The following GALNT18 variants were observed in gnomAD, a reference collection of about 807,000 sequenced individuals.
GALNT18 encodes the protein polypeptide N-acetylgalactosaminyltransferase 18, also known as GalNAc-transferase 18.
Under a neutral mutation model 69.5 loss-of-function variants are expected in GALNT18, and 44 were observed. The ratio of observed to expected loss-of-function variants is 0.63; its 90% confidence interval spans 0.50 to 0.81. GALNT18 has a LOEUF of 0.81. GALNT18 is among the 40% of genes least tolerant of loss of function. GALNT18 has a pLI of 0.00. For missense variants in GALNT18, 715 were observed against 810.0 expected (o/e 0.88, Z 1.42); for synonymous variants, 364 against 318.2 (o/e 1.14, Z -1.53).
Position 11,538,764 on chromosome 11 carries a change from T to C in GALNT18, c.235+82595A>G, listed in dbSNP as rs1799954274. On this transcript the variant is annotated intron_variant, in intron 1 of 10. Coordinates refer to ENST00000227756, the MANE Select transcript of GALNT18 (RefSeq NM_198516.3). The surrounding 1 kb of genome is among the most constrained non-coding windows in gnomAD (Gnocchi z 5.2). ...AGTGAGGCGCCATCTGGGAAGCACC[T>C]GGCCCCAGGGCCTGCACATCGCAGG... 6.6e-6 allele frequency among the ~76,000 whole-genome samples: 1 copy of C among 152,168 alleles called. No individual in the cohort carries two copies. Among genetic ancestry groups the C allele is most frequent in the South Asian group, 2.1e-4 (1 of 4,820 alleles).
Position 11,586,115 on chromosome 11 carries a change from G to A in GALNT18, c.235+35244C>T, listed in dbSNP as rs571355598. Among the ~76,000 whole-genome samples, 52 of 152,154 alleles carry A rather than the reference G, an allele frequency of 3.4e-4. No individual in the cohort carries two copies. Among genetic ancestry groups the A allele is most frequent in the Non-Finnish European group, 6.3e-4 (43 of 68,012 alleles). On this transcript the variant is annotated intron_variant, in intron 1 of 10. Coordinates refer to ENST00000227756, the MANE Select transcript of GALNT18 (RefSeq NM_198516.3). This position sits in a 1 kb window ranked among gnomAD's most constrained non-coding sequence, Gnocchi z 4.1. ...CTGGCCCCTTGATCTTGGACTTTCCGGCCTCCAGAACTGTGAAAAATAAAT... is the reference window on the plus strand; with the variant it reads ...CTGGCCCCTTGATCTTGGACTTTCCAGCCTCCAGAACTGTGAAAAATAAAT...
intron 7 of GALNT18, among the ~76,000 whole-genome samples, chr11:11,336,124 C>T (rs10765836): frequency 0.53 from 80,194 of 152,076 alleles, 21,390 homozygotes; most frequent in Middle Eastern, 0.61. Flanking sequence ...CCCTGGCACT[C>T]AGCCTGTCTT....
At chr11:11,272,024 C>G (rs190742640) in intron 10 of GALNT18, among the ~76,000 whole-genome samples, 1 of 136,438 alleles carries the variant, frequency 7.3e-6, no homozygotes, top group Non-Finnish European at 1.7e-5. Context: ...GTCTGAGCAT[C>G]TCTGAGTTAC....
At chr11:11,594,824 T>C (rs1213676444) in intron 1 of GALNT18, among the ~76,000 whole-genome samples, 8 of 25,440 alleles carry the variant, frequency 3.1e-4, no homozygotes, top group African/African-American at 5.7e-4. Flanking sequence ...GGCATATATA[T>C]ATATATATAT....
rs934080637 is a variant in GALNT18, at chr11:11,338,420, A to T, written c.1278+2399T>A. ...TGGCAGAGAAAAAAACAGGGCCTGA[A>T]TGCAGACATGAGGGGAGGTCGGGGT... is the stretch of plus-strand genomic sequence containing the variant. On this transcript the variant is annotated intron_variant, in intron 7 of 10. Transcript: ENST00000227756. This position sits in a 1 kb window ranked among gnomAD's most constrained non-coding sequence, Gnocchi z 5.3. 6.6e-6 allele frequency among the ~76,000 whole-genome samples: 1 copy of T among 150,606 alleles called. No homozygotes were observed. The highest frequency in any genetic ancestry group is 1.5e-5 in the Non-Finnish European group (1 of 68,018).
At chr11:11,484,595 A>C (rs1856603440) in intron 1 of GALNT18, among the ~76,000 whole-genome samples, 1 of 83,294 alleles carries the variant, frequency 1.2e-5, no homozygotes, top group Admixed American at 1.1e-4. Flanking sequence ...CTCCATCTCA[A>C]AAAAAAAAAA....
intron 2 of GALNT18, among the ~76,000 whole-genome samples, chr11:11,447,787 T>C (rs1855692538): frequency 6.6e-6 from 1 of 152,166 alleles, no homozygotes; most frequent in Non-Finnish European, 1.5e-5. Context: ...AGTTACCTCC[T>C]ACCTGGTCCC....
At chr11:11,554,750 C>T (rs1226507445) in intron 1 of GALNT18, among the ~76,000 whole-genome samples, 1 of 151,880 alleles carries the variant, frequency 6.6e-6, no homozygotes, top group African/African-American at 2.4e-5. Flanking sequence ...GTGGCTGATT[C>T]CCTCACATGG....
At chr11:11,585,795 C>T (rs1312725539) in intron 1 of GALNT18, among the ~76,000 whole-genome samples, 1 of 134,474 alleles carries the variant, frequency 7.4e-6, no homozygotes, top group Non-Finnish European at 1.5e-5. Context: ...CCACTCTTCT[C>T]AATAAGTTTT....
rs537065842 is a variant in GALNT18 at position 11,338,746 on chromosome 11, A to G, written c.1278+2073T>C. Among the ~76,000 whole-genome samples the G allele has an allele frequency of 1.3e-5, 2 of 152,176 alleles. No individual in the cohort carries two copies. The highest frequency in any genetic ancestry group is 2.9e-5 in the Non-Finnish European group (2 of 68,034). On this transcript the variant is annotated intron_variant, in intron 7 of 10. Coordinates refer to ENST00000227756, the MANE Select transcript of GALNT18 (RefSeq NM_198516.3). The surrounding 1 kb of genome is among the most constrained non-coding windows in gnomAD (Gnocchi z 5.3). ...AAGGCAGCATATGGGTGGGAGTCCA[A>G]TGCAAGAGTAGATGATATTACCCAG...
chr11:11,303,850 A>G (rs1590023005), intron 9 of GALNT18, among the ~76,000 whole-genome samples: 2 of 152,178 alleles, frequency 1.3e-5, no homozygotes, highest in South Asian at 4.1e-4. Context: ...GAGACAAGGG[A>G]CCTTTGGTGA....
At position 11,586,989 on chromosome 11, in the gene GALNT18, CAAATAAATAAAT is replaced by C. The variant is rs372579300; in HGVS notation, c.235+34358_235+34369del. Among the ~76,000 whole-genome samples, 3 of 151,550 alleles carry C rather than the reference CAAATAAATAAAT, an allele frequency of 2.0e-5. No homozygotes were observed. Among genetic ancestry groups the C allele is most frequent in the Admixed American group, 6.6e-5 (1 of 15,210 alleles). Reference sequence around the variant, plus strand: ...GGGAACAAGAGTGAAACCCCATCTCCAAATAAATAAATAAATAAATAAATAAACTCAAATTTC... The same window carrying C: ...GGGAACAAGAGTGAAACCCCATCTCCAAATAAATAAATAAACTCAAATTTC... On this transcript the variant is annotated intron_variant, in intron 1 of 10. Coordinates refer to ENST00000227756, the MANE Select transcript of GALNT18 (RefSeq NM_198516.3). The surrounding 1 kb of genome is among the most constrained non-coding windows in gnomAD (Gnocchi z 4.1).
In GALNT18 at chr11:11,293,059, C is replaced by T. The variant is rs771611553; in HGVS notation, c.1647G>A (p.Lys549=). ...RLIECSYAKA[K]RMKLHWQFSQ... ...AGAACTGCCAGTGAAGCTTCATCCTCTTGGCTTTGGCGTAGCTGCATTCGA... is the reference window on the plus strand; with the variant it reads ...AGAACTGCCAGTGAAGCTTCATCCTTTTGGCTTTGGCGTAGCTGCATTCGA... Residue 549 remains lysine, a synonymous_variant, in exon 10 of 11, where the codon AAG becomes AAA. Coordinates refer to ENST00000227756, the MANE Select transcript of GALNT18 (RefSeq NM_198516.3). 12 of 1,389,532 alleles carry T rather than the reference C, an allele frequency of 8.6e-6. No individual in the cohort carries two copies. Among genetic ancestry groups the T allele is most frequent in the Middle Eastern group, 1.9e-4 (1 of 5,182 alleles). The allele number at this position is 1,389,532 out of a possible 1,614,324, so 86.1% of individuals were successfully genotyped here.
rs1856051676 is a variant in GALNT18 at position 11,461,866 on chromosome 11, C to G, written c.236-12930G>C. 6.6e-6 allele frequency among the ~76,000 whole-genome samples: 1 copy of G among 152,232 alleles called. No homozygotes were observed. Among genetic ancestry groups the G allele is most frequent in the Non-Finnish European group, 1.5e-5 (1 of 68,036 alleles). ...CAAGGCTCTGCTACAAGAGTCCTTG[C>G]TTTGGGAAACCTGCAGCCTGAATGA... On this transcript the variant is annotated intron_variant, in intron 1 of 10. Transcript: ENST00000227756. The surrounding 1 kb of genome is among the most constrained non-coding windows in gnomAD (Gnocchi z 4.1).
At chr11:11,594,634 A>G (rs1013985798) in intron 1 of GALNT18, among the ~76,000 whole-genome samples, 7 of 152,060 alleles carry the variant, frequency 4.6e-5, no homozygotes, top group South Asian at 2.1e-4. Context: ...AGCATGTGCC[A>G]GTATTTTGTT....
chr11:11,272,874 C>T (rs958996950), intron 10 of GALNT18, among the ~76,000 whole-genome samples: 1 of 152,210 alleles, frequency 6.6e-6, no homozygotes, highest in Non-Finnish European at 1.5e-5. Flanking sequence ...TCATCCAAGT[C>T]TGCCATGACC....
At chr11:11,345,507 G>A (rs1396922727) in intron 6 of GALNT18, among the ~76,000 whole-genome samples, 1 of 152,184 alleles carries the variant, frequency 6.6e-6, no homozygotes, top group African/African-American at 2.4e-5. Context: ...TGACATCATG[G>A]AGCTTCTGTG....
At chr11:11,594,517 A>G (rs1266177093) in intron 1 of GALNT18, among the ~76,000 whole-genome samples, 1 of 151,994 alleles carries the variant, frequency 6.6e-6, no homozygotes, top group Non-Finnish European at 1.5e-5. Context: ...CCTCTAATCT[A>G]CTTTCTGTCT....
intron 1 of GALNT18, among the ~76,000 whole-genome samples, chr11:11,450,305 T>C (rs541048056): frequency 6.6e-6 from 1 of 152,026 alleles, no homozygotes; most frequent in Non-Finnish European, 1.5e-5. Flanking sequence ...GGAGCTAGGG[T>C]TCTGAAGTCT....
Sources: gnomAD v4.1 joint callset for allele counts (sites outside exome capture counted in the v4.1 genomes callset) on GRCh38, gnomAD v4.1.1 for gene constraint, Gnocchi (gnomAD v3.1) non-coding constraint, MANE v1.5 for transcripts, NCBI Gene and HGNC (gene_info 2026-07-23, HGNC 2026-07-21) for gene names.